The following MOGAT2 variants were observed in gnomAD, a reference collection of about 807,000 sequenced individuals.
MOGAT2 encodes monoacylglycerol O-acyltransferase 2, also known as 2-acylglycerol O-acyltransferase 2.
In MOGAT2, 27 loss-of-function variants were observed where a neutral mutation model predicts 31.5. The ratio of observed to expected loss-of-function variants is 0.86; its 90% CI spans 0.63 to 1.18. The LOEUF is 1.18. Ranked by LOEUF, MOGAT2 falls within the 50% of genes most tolerant of loss-of-function variation. MOGAT2 has a pLI of 0.00. For synonymous variants in MOGAT2, 163 were observed against 170.0 expected (o/e 0.96, Z 0.32); for missense variants, 436 against 433.2 (o/e 1.01, Z -0.06).
chr11:75,718,098 T>A, intron 1 of MOGAT2, 119 bp downstream of exon 1: 3 of 1,054,190 alleles, frequency 2.8e-6, no homozygotes, highest in Non-Finnish European at 4.3e-6. Flanking sequence ...GGGGGCTTTG[T>A]TGCGCTCAGA....
intron 2 of MOGAT2, among the ~76,000 whole-genome samples, chr11:75,727,111 C>G (rs771919242): frequency 1.6e-4 from 24 of 152,178 alleles, no homozygotes; most frequent in Non-Finnish European, 2.8e-4. Flanking sequence ...TAGGCACCAT[C>G]ATACCTGAGT....
chr11:75,728,574 C>G lies in MOGAT2; in HGVS notation c.651-216C>G, dbSNP rs1944443287. The G allele has an allele frequency of 6.7e-6, 4 of 597,076 alleles. No individual in the cohort carries two copies. In the Admixed American group the frequency reaches 8.9e-5, roughly 13 times the overall value. The allele number at this position is 597,076 out of a possible 1,614,324, so 37.0% of individuals were successfully genotyped here. On this transcript the variant is annotated intron_variant, in intron 4 of 5. Transcript: ENST00000198801. ...GCATTCTGGTCTACCTCTCATGGTG[C>G]AACTGGGAAGTTGTGGCCCTGCAAG...
intron 2 of MOGAT2, 36 bp from the exon 3 acceptor site, chr11:75,727,399 G>T: frequency 1.3e-6 from 2 of 1,592,808 alleles, no homozygotes; most frequent in South Asian, 2.2e-5. Context: ...TGGTACACAG[G>T]CCCCGCCCTG....
At chr11:75,723,581 C>T (rs1397205843) in intron 2 of MOGAT2, among the ~76,000 whole-genome samples, 1 of 152,026 alleles carries the variant, frequency 6.6e-6, no homozygotes, top group Non-Finnish European at 1.5e-5. Flanking sequence ...AGACACGCAC[C>T]ACCACAACTT....
At chr11:75,719,038 G>A (rs908324976) in intron 1 of MOGAT2, among the ~76,000 whole-genome samples, 19 of 151,804 alleles carry the variant, frequency 1.3e-4, no homozygotes, top group African/African-American at 4.6e-4. Flanking sequence ...ATTCTGTAGT[G>A]AAAAAACTCC....
chr11:75,727,395 A>G (rs1355727609), intron 2 of MOGAT2, 40 bp from the exon 3 acceptor site: 3 of 1,585,588 alleles, frequency 1.9e-6, no homozygotes, highest in South Asian at 2.2e-5. Flanking sequence ...GGGCTGGTAC[A>G]CAGGCCCCGC....
At chr11:75,727,917 T>C (rs1944437035) in intron 3 of MOGAT2, 53 bp from the exon 4 acceptor site, 2 of 1,511,346 alleles carry the variant, frequency 1.3e-6, no homozygotes, top group Admixed American at 2.1e-5. Context: ...ACATGTACTT[T>C]CATAGCCCCT....
chr11:75,718,201 C>T (rs555551859), intron 1 of MOGAT2, among the ~76,000 whole-genome samples: 6 of 152,312 alleles, frequency 3.9e-5, no homozygotes, highest in South Asian at 2.1e-4. Flanking sequence ...GGGCAGGTTA[C>T]TTACTCTTCC....
chr11:75,730,719 T>A (rs954548090), intron 5 of MOGAT2, among the ~76,000 whole-genome samples: 1 of 151,922 alleles, frequency 6.6e-6, no homozygotes, highest in African/African-American at 2.4e-5. Context: ...GACCAGCCTG[T>A]CCAATGTGGT....
At position 75,720,159 on chromosome 11, in the gene MOGAT2, T is replaced by A; in HGVS notation, c.259T>A (p.Phe87Ile). ...TATATGGAAGTACATGAAGGACTAT[T>A]TCCCCATCTCGGTGAGTATTGAGGC... ...WTIWKYMKDY[F>I]PISLVKTAEL... The change falls in exon 2 of 6, where the codon TTC becomes ATC. Residue 87 changes from phenylalanine to isoleucine, a missense_variant. Transcript: ENST00000198801. 6.2e-7 allele frequency: 1 copy of A among 1,613,110 alleles called. No individual in the cohort carries two copies. Among genetic ancestry groups the A allele is most frequent in the Middle Eastern group, 1.7e-4 (1 of 6,054 alleles).
In MOGAT2 at chr11:75,728,977, A is replaced by G. The variant is rs760565995; in HGVS notation, c.838A>G (p.Ile280Val). The G allele has an allele frequency of 6.2e-7, 1 of 1,613,744 alleles. No homozygotes were observed. ...SFGLIPYRRP[I>V]TTVVGKPIEV... Reference sequence around the variant, plus strand: ...TGGTTTAATACCCTACCGCCGGCCCATCACCACTGTGGGTAAGTCCAGGAC... The same window carrying G: ...TGGTTTAATACCCTACCGCCGGCCCGTCACCACTGTGGGTAAGTCCAGGAC... The change falls in exon 5 of 6, where the codon ATC (isoleucine) becomes GTC (valine). Residue 280 changes from isoleucine (I) to valine (V), a missense_variant. Coordinates refer to ENST00000198801, the MANE Select transcript of MOGAT2 (RefSeq NM_025098.4).
At chr11:75,724,693 T>G (rs190053178) in intron 2 of MOGAT2, among the ~76,000 whole-genome samples, 116 of 150,802 alleles carry the variant, frequency 7.7e-4, no homozygotes, top group Non-Finnish European at 1.5e-3. Context: ...GACCAAAGGG[T>G]AGGTGTGAAA....
intron 2 of MOGAT2, among the ~76,000 whole-genome samples, chr11:75,723,473 A>C (rs1181677849): frequency 1.8e-5 from 2 of 114,206 alleles, no homozygotes; most frequent in Admixed American, 1.0e-4. Context: ...TTTACTGCCC[A>C]GGCCCCGCAG....
At chr11:75,722,490 G>A (rs150981441) in intron 2 of MOGAT2, among the ~76,000 whole-genome samples, 2 of 152,228 alleles carry the variant, frequency 1.3e-5, no homozygotes, top group African/African-American at 2.4e-5. Context: ...AGCTCACCGG[G>A]GGGGAAAGGA....
At chr11:75,727,370 T>C in intron 2 of MOGAT2, 65 bp from the exon 3 acceptor site, 1 of 1,504,512 alleles carries the variant, frequency 6.6e-7, no homozygotes, top group East Asian at 2.3e-5. Context: ...GTCACACCAG[T>C]GAGTGGCAGA....
rs138229036 is a variant in MOGAT2, at chr11:75,727,376, G to T, written c.271-59G>T. ...TTTCCCAAGGTCACACCAGTGAGTG[G>T]CAGAGTCAGGGCTGGTACACAGGCC... On this transcript the variant is annotated intron_variant, in intron 2 of 5. Transcript: ENST00000198801. 15 of 1,527,210 alleles carry T rather than the reference G, an allele frequency of 9.8e-6. No homozygotes were observed. The East Asian group carries it at 3.0e-4, about 30-fold the overall frequency. 94.6% of individuals were successfully genotyped at this position (1,527,210 alleles called of 1,614,324 possible). A position where few individuals can be genotyped will look rare whatever the true frequency, so the allele number is the denominator to read the frequency against.
rs190752002 is a variant in MOGAT2, at chr11:75,717,883, G to A, written c.-6G>A. The A allele has an allele frequency of 1.8e-4, 297 of 1,613,884 alleles. 1 individual carries two copies. The African/African-American group carries it at 3.1e-3, about 17-fold the overall frequency. ...GAACCTGCGGGAGCCAGGCTGACCCGCCAGCATGGTAGAGTTCGCGCCCTT... is the reference window on the plus strand; with the variant it reads ...GAACCTGCGGGAGCCAGGCTGACCCACCAGCATGGTAGAGTTCGCGCCCTT... On this transcript the variant is annotated 5_prime_UTR_variant, in exon 1 of 6. Coordinates refer to ENST00000198801, the MANE Select transcript of MOGAT2 (RefSeq NM_025098.4).
intron 1 of MOGAT2, chr11:75,719,733 A>G: frequency 2.1e-6 from 1 of 474,230 alleles, no homozygotes; most frequent in Non-Finnish European, 3.8e-6. Flanking sequence ...GGCCTGGTGC[A>G]GTGGGAGAAA....
Position 75,732,926 on chromosome 11 carries a change from T to A in MOGAT2, c.*1640T>A, listed in dbSNP as rs1421919253. ...ACCCACAAACAGGACCTGCATCCTG[T>A]CTCACAAATAAAACTGAACTCTTGA... On this transcript the variant is annotated 3_prime_UTR_variant, in exon 6 of 6. Transcript: ENST00000198801. 1 of 152,116 alleles carries A rather than the reference T, an allele frequency of 6.6e-6. No homozygotes were observed. Among genetic ancestry groups the A allele is most frequent in the Non-Finnish European group, 1.5e-5 (1 of 68,088 alleles). The allele number at this position is 152,116 out of a possible 1,614,324, so 9.4% of individuals were successfully genotyped here.
Sources: allele counts gnomAD v4.1 joint callset (sites outside exome capture counted in the v4.1 genomes callset), GRCh38; gene constraint gnomAD v4.1.1; transcripts MANE v1.5; gene names NCBI Gene and HGNC (gene_info 2026-07-23, HGNC 2026-07-21).